Variants in RNF34 observed in about 807,000 individuals in gnomAD.
RNF34 encodes the protein ring finger protein 34, also known as E3 ubiquitin-protein ligase RNF34.
RNF34 carries 12 observed loss-of-function variants against 37.9 expected under a neutral mutation model. That is an observed-to-expected ratio of 0.32 (90% CI 0.20 to 0.51). The LOEUF (loss-of-function observed/expected upper bound fraction) is 0.51. Among genes scored for constraint, RNF34 ranks in the 20% least tolerant of loss-of-function variants. The pLI, the probability that RNF34 is intolerant of heterozygous loss-of-function variation, is 0.97. For missense variants in RNF34, 362 were observed against 472.7 expected (o/e 0.77, Z 2.17); for synonymous variants, 155 against 177.2 (o/e 0.87, Z 1.00).
At chr12:121,405,894 C>T (rs1265608023) in intron 1 of RNF34, among the ~76,000 whole-genome samples, 1 of 151,124 alleles carries the variant, frequency 6.6e-6, no homozygotes, top group Non-Finnish European at 1.5e-5. Context: ...CCCAGGTTCA[C>T]GCCATTCTCC....
intron 4 of RNF34, 117 bp from the exon 5 acceptor site, chr12:121,420,460 G>T: frequency 1.3e-6 from 2 of 1,560,340 alleles, no homozygotes; most frequent in Non-Finnish European, 1.7e-6. Flanking sequence ...ACAGTATACT[G>T]AAACACTTCT....
intron 1 of RNF34, among the ~76,000 whole-genome samples, chr12:121,410,136 A>G (rs1459679469): frequency 1.3e-5 from 2 of 151,028 alleles, no homozygotes; most frequent in Non-Finnish European, 2.9e-5. Context: ...CCTGGGCAAC[A>G]AGAGCGAAAC....
intron 1 of RNF34, among the ~76,000 whole-genome samples, chr12:121,414,575 C>T (rs1283733189): frequency 6.6e-6 from 1 of 152,150 alleles, no homozygotes; most frequent in Non-Finnish European, 1.5e-5. Context: ...TAGCAAATAG[C>T]CCTTACGCCT....
chr12:121,404,510 C>T (rs1870333420), intron 1 of RNF34, among the ~76,000 whole-genome samples: 1 of 150,388 alleles, frequency 6.6e-6, no homozygotes, highest in Admixed American at 6.7e-5. Flanking sequence ...CCTCAGCCTC[C>T]TGTGTAGCTG....
chr12:121,400,250 C>T, intron 1 of RNF34, 32 bp downstream of exon 1: 4 of 1,605,044 alleles, frequency 2.5e-6, no homozygotes, highest in Non-Finnish European at 3.4e-6. Flanking sequence ...ACAGACCCTC[C>T]TCGCCAATCC....
intron 1 of RNF34, among the ~76,000 whole-genome samples, chr12:121,401,961 G>A (rs1566221061): frequency 6.6e-6 from 1 of 152,108 alleles, no homozygotes; most frequent in Non-Finnish European, 1.5e-5. Flanking sequence ...TTGAGGATTT[G>A]GGCTGTTAAA....
intron 1 of RNF34, among the ~76,000 whole-genome samples, chr12:121,401,100 C>T (rs1869946448): frequency 6.6e-6 from 1 of 151,998 alleles, no homozygotes; most frequent in Admixed American, 6.6e-5. Flanking sequence ...GGTAATCTAG[C>T]AGGTGAGCTG....
intron 5 of RNF34, among the ~76,000 whole-genome samples, chr12:121,421,887 A>G (rs1276274205): frequency 1.3e-5 from 2 of 152,186 alleles, no homozygotes; most frequent in African/African-American, 4.8e-5. Context: ...GTCCTTTAAA[A>G]GCTGGTTATA....
chr12:121,407,295 G>GT (rs1444403207), intron 1 of RNF34, among the ~76,000 whole-genome samples: 1 of 152,110 alleles, frequency 6.6e-6, no homozygotes, highest in Admixed American at 6.6e-5. Context: ...TAACTGTAGG[G>GT]TTTTTTTCCC....
chr12:121,400,146 C>T lies in RNF34; in HGVS notation c.-67C>T, dbSNP rs1048506590. 26 of 1,571,840 alleles carry T rather than the reference C, an allele frequency of 1.7e-5. 1 individual carries two copies. The highest frequency in any genetic ancestry group is 1.3e-4 in the South Asian group (11 of 87,402). On this transcript the variant is annotated 5_prime_UTR_variant, in exon 1 of 6. Transcript: ENST00000361234. ...CACCGCCCAGAGGGAAGGAGGTCGG[C>T]AGTGTGAGGAGCTGCTATGGTGCTG...
chr12:121,420,625 T>G lies in RNF34; in HGVS notation c.775T>G (p.Ser259Ala), dbSNP rs781822735. 21 of 1,614,040 alleles carry G rather than the reference T, an allele frequency of 1.3e-5. No homozygotes were observed. The Admixed American group carries it at 2.8e-4, about 22-fold the overall frequency. ...AGTGAGAGCTTCACTGTCTGACTTG[T>G]CAAGCCTTGATGATGTGGAAGGAAT... is the stretch of plus-strand genomic sequence containing the variant. ...ERVRASLSDLSSLDDVEGMSV... is the reference protein window; with the variant it reads ...ERVRASLSDLASLDDVEGMSV... The change falls in exon 5 of 6, where the codon TCA (serine) becomes GCA (alanine). Residue 259 changes from serine to alanine, a missense_variant. Coordinates refer to ENST00000361234, the MANE Select transcript of RNF34 (RefSeq NM_025126.4).
intron 1 of RNF34, among the ~76,000 whole-genome samples, chr12:121,407,361 T>G (rs1870644198): frequency 6.6e-6 from 1 of 152,210 alleles, no homozygotes; most frequent in Non-Finnish European, 1.5e-5. Flanking sequence ...CACTTTGGAA[T>G]TGAGGCCAGT....
chr12:121,406,373 C>T (rs1239413525), intron 1 of RNF34, among the ~76,000 whole-genome samples: 4 of 151,750 alleles, frequency 2.6e-5, no homozygotes, highest in Non-Finnish European at 5.9e-5. Context: ...CTGCAGCCTC[C>T]GCCTCCCATT....
Position 121,417,371 on chromosome 12 carries a change from C to A in RNF34, c.226-133C>A. ...CATGGCTTTTGAAACATGAAAATAC[C>A]TCTGGAAATAGTCTGGTGCCACTGG... On this transcript the variant is annotated intron_variant, in intron 2 of 5. Coordinates refer to ENST00000361234, the MANE Select transcript of RNF34 (RefSeq NM_025126.4). The surrounding 1 kb of genome is among the most constrained non-coding windows in gnomAD (Gnocchi z 5.0). The A allele has an allele frequency of 1.4e-6, 1 of 707,336 alleles. No individual in the cohort carries two copies. Among genetic ancestry groups the A allele is most frequent in the South Asian group, 2.0e-5 (1 of 50,966 alleles). The allele number at this position is 707,336 out of a possible 1,614,324, so 43.8% of individuals were successfully genotyped here.
At chr12:121,404,387 CTTT>C (rs782225104) in intron 1 of RNF34, among the ~76,000 whole-genome samples, 21 of 65,846 alleles carry the variant, frequency 3.2e-4, no homozygotes, top group African/African-American at 1.0e-3. Flanking sequence ...GTCATTTAAT[CTTT>C]TTTTTTTTTT....
chr12:121,402,033 C>G (rs535742857), intron 1 of RNF34, among the ~76,000 whole-genome samples: 61 of 152,164 alleles, frequency 4.0e-4, no homozygotes, highest in Admixed American at 6.5e-4. Context: ...GTATGCTCAT[C>G]TGTAGATTTC....
chr12:121,420,929 G>C (rs192923920), intron 5 of RNF34, 151 bp downstream of exon 5: 1 of 633,552 alleles, frequency 1.6e-6, no homozygotes. Context: ...CCTGTTTATA[G>C]ATCTGGAAAG....
intron 1 of RNF34, among the ~76,000 whole-genome samples, chr12:121,400,438 G>T (rs1391252853): frequency 1.3e-5 from 2 of 152,152 alleles, no homozygotes; most frequent in Admixed American, 6.5e-5. Flanking sequence ...TCAGCGACCC[G>T]AGCGGTGGGG....
intron 1 of RNF34, among the ~76,000 whole-genome samples, chr12:121,401,467 G>C (rs1555280017): frequency 6.6e-6 from 1 of 151,398 alleles, no homozygotes; most frequent in African/African-American, 2.4e-5. Context: ...ACTGTGCCTT[G>C]AAGTATGAGG....
Sources: gnomAD v4.1 joint callset for allele counts (sites outside exome capture counted in the v4.1 genomes callset) on GRCh38, gnomAD v4.1.1 for gene constraint, Gnocchi (gnomAD v3.1) non-coding constraint, MANE v1.5 for transcripts, NCBI Gene and HGNC (gene_info 2026-07-23, HGNC 2026-07-21) for gene names.